The following TTC39C variants were observed in gnomAD, a reference collection of about 807,000 sequenced individuals.
The protein encoded by TTC39C is tetratricopeptide repeat domain 39C, also known as tetratricopeptide repeat protein 39C.
TTC39C carries 33 observed loss-of-function variants against 76.3 expected under a neutral mutation model. The observed-to-expected ratio is 0.43, with a 90% CI of 0.33 to 0.58. The LOEUF (loss-of-function observed/expected upper bound fraction) is 0.58, where lower values mean the gene tolerates loss of function less well. Ranked by LOEUF, TTC39C falls within the 20% of genes least tolerant of loss-of-function variation. The pLI is 0.04. For missense variants in TTC39C, 595 were observed against 701.4 expected, an observed-to-expected ratio of 0.85 and a Z score of 1.71; for synonymous variants, 254 against 260.6, an observed-to-expected ratio of 0.97 and a Z score of 0.24.
chr18:24,051,831 G>T (rs2083954007), intron 1 of TTC39C, among the ~76,000 whole-genome samples: 1 of 152,186 alleles, frequency 6.6e-6, no homozygotes, highest in African/African-American at 2.4e-5. Flanking sequence ...CAGTTCGTCA[G>T]ATGAAATGGG....
At chr18:24,079,769 C>T (rs184907712) in intron 4 of TTC39C, among the ~76,000 whole-genome samples, 30 of 149,778 alleles carry the variant, frequency 2.0e-4, no homozygotes, top group Admixed American at 6.7e-4. Context: ...TTTGGCAAGA[C>T]GCAATGCTTG....
intron 4 of TTC39C, chr18:24,076,972 T>C (rs951845349): frequency 1.3e-5 from 2 of 152,230 alleles, no homozygotes; most frequent in African/African-American, 4.8e-5. Flanking sequence ...TTGTTTCCAG[T>C]TCTACCATCC....
intron 1 of TTC39C, among the ~76,000 whole-genome samples, chr18:24,027,332 C>T (rs1240613755): frequency 1.3e-5 from 2 of 151,894 alleles, no homozygotes; most frequent in Admixed American, 1.3e-4. Flanking sequence ...CCTCTAGGAT[C>T]GCTTCCAGTA....
intron 6 of TTC39C, among the ~76,000 whole-genome samples, chr18:24,092,123 A>ATAAT (rs56108954): frequency 2.0e-4 from 10 of 50,506 alleles, no homozygotes; most frequent in African/African-American, 3.5e-4. Flanking sequence ...AAAAAAAAAA[A>ATAAT]AATAATAATA....
At chr18:24,123,563 C>G (rs949204589) in intron 8 of TTC39C, 2 of 266,222 alleles carry the variant, frequency 7.5e-6, no homozygotes, top group African/African-American at 2.3e-5. Flanking sequence ...TGTGCCACCA[C>G]GCCTGGCTTA....
At chr18:24,068,378 C>T (rs2084194303) in intron 3 of TTC39C, among the ~76,000 whole-genome samples, 1 of 152,176 alleles carries the variant, frequency 6.6e-6, no homozygotes, top group African/African-American at 2.4e-5. Context: ...ACACATCATT[C>T]TGGCTTGTCT....
At chr18:24,055,967 T>C (rs1016117020) in intron 1 of TTC39C, among the ~76,000 whole-genome samples, 1 of 152,216 alleles carries the variant, frequency 6.6e-6, no homozygotes. Flanking sequence ...CAAACCAGTT[T>C]GTCTCCTTAA....
At position 24,114,546 on chromosome 18, in the gene TTC39C, C is replaced by T. The variant is rs1489700052; in HGVS notation, c.985-8C>T. ...TAGCTGGTAATTCTGTTTTCCTTTT[C>T]TCCTTAGTGTCAAATCAACAGTGCC... On this transcript the variant is annotated splice_polypyrimidine_tract_variant and splice_region_variant and intron_variant, in intron 6 of 13. Transcript: ENST00000317571. 2.5e-6 allele frequency: 4 copies of T among 1,609,922 alleles called. No homozygotes were observed. Among genetic ancestry groups the T allele is most frequent in the Non-Finnish European group, 3.4e-6 (4 of 1,176,490 alleles).
chr18:24,070,152 G>A (rs893500453), intron 4 of TTC39C, among the ~76,000 whole-genome samples: 3 of 151,790 alleles, frequency 2.0e-5, no homozygotes, highest in Non-Finnish European at 4.4e-5. Flanking sequence ...TGTCTCGTAC[G>A]AACGATGCTT....
chr18:24,121,399 G>A (rs1004941178), intron 8 of TTC39C, among the ~76,000 whole-genome samples: 1 of 152,112 alleles, frequency 6.6e-6, no homozygotes, highest in African/African-American at 2.4e-5. Flanking sequence ...AACCAACATG[G>A]AGAAACTCCA....
At chr18:24,024,261 T>G (rs990327303) in intron 1 of TTC39C, among the ~76,000 whole-genome samples, 3 of 151,370 alleles carry the variant, frequency 2.0e-5, no homozygotes, top group African/African-American at 7.3e-5. Flanking sequence ...TCTGCCTGCC[T>G]CAGCCTCCCA....
chr18:24,026,684 G>A (rs561713778), intron 1 of TTC39C, among the ~76,000 whole-genome samples: 1 of 152,222 alleles, frequency 6.6e-6, no homozygotes, highest in South Asian at 2.1e-4. Flanking sequence ...GAGTCTGAGC[G>A]TGGTGTGCCT....
chr18:24,055,605 T>C (rs2084005147), intron 1 of TTC39C, among the ~76,000 whole-genome samples: 1 of 152,182 alleles, frequency 6.6e-6, no homozygotes, highest in Admixed American at 6.5e-5. Context: ...TGTTGCTGAG[T>C]TGTAGGAGCT....
chr18:24,132,432 C>G, intron 13 of TTC39C, 53 bp from the exon 14 acceptor site: 1 of 1,503,942 alleles, frequency 6.6e-7, no homozygotes, highest in East Asian at 2.3e-5. Flanking sequence ...ACCACAGTAC[C>G]CTGTGCAAGC....
chr18:24,091,307 T>C (rs1260058714), intron 6 of TTC39C, among the ~76,000 whole-genome samples: 2 of 152,096 alleles, frequency 1.3e-5, no homozygotes, highest in African/African-American at 4.8e-5. Flanking sequence ...CCAGGTGTGG[T>C]AGTGCACATC....
Position 24,014,869 on chromosome 18 carries a change from C to T in TTC39C, c.-3C>T, listed in dbSNP as rs1455101970. On this transcript the variant is annotated 5_prime_UTR_variant, in exon 1 of 14. Coordinates refer to ENST00000317571, the MANE Select transcript of TTC39C (RefSeq NM_001135993.2). ...TCGGCCCAGCGCAGGGCCTCGCACG[C>T]CCATGGCCGGCTCGGAGCAGCAGCG... 2.2e-6 allele frequency: 3 copies of T among 1,392,798 alleles called. No homozygotes were observed. The highest frequency in any genetic ancestry group is 6.2e-5 in the East Asian group (2 of 32,052). 86.3% of individuals were successfully genotyped at this position (1,392,798 alleles called of 1,614,324 possible).
rs1167104790 is a variant in TTC39C, at chr18:24,030,648, C to CTTTTTTTTTTTTTTTT, written c.167+15616_167+15631dup. 9.0e-5 allele frequency among the ~76,000 whole-genome samples: 8 copies of CTTTTTTTTTTTTTTTT among 89,042 alleles called. 1 individual carries two copies. Among genetic ancestry groups the CTTTTTTTTTTTTTTTT allele is most frequent in the Admixed American group, 1.8e-4 (1 of 5,540 alleles). 58.4% of individuals were successfully genotyped at this position (89,042 alleles called of 152,430 possible). ...TCTCTCAACAGCCCCAAAGATAGGC[C>CTTTTTTTTTTTTTTTT]TTTTTTTTTTTTTTTTTTTTTGAGA... is the stretch of plus-strand genomic sequence containing the variant. On this transcript the variant is annotated intron_variant, in intron 1 of 13. Coordinates refer to ENST00000317571, the MANE Select transcript of TTC39C (RefSeq NM_001135993.2).
At chr18:24,036,440 G>A (rs966358867) in intron 1 of TTC39C, among the ~76,000 whole-genome samples, 3 of 152,120 alleles carry the variant, frequency 2.0e-5, no homozygotes, top group Non-Finnish European at 2.9e-5. Context: ...CACCTCGCTG[G>A]TTAAGTTTAT....
At chr18:24,020,029 G>A (rs2083500545) in intron 1 of TTC39C, 1 of 1,404,110 alleles carries the variant, frequency 7.1e-7, no homozygotes, top group East Asian at 2.8e-5. Flanking sequence ...TTCTAGACAA[G>A]TCATCTGCTC....
Sources: gnomAD v4.1 joint callset for allele counts (sites outside exome capture counted in the v4.1 genomes callset) on GRCh38, gnomAD v4.1.1 for gene constraint, MANE v1.5 for transcripts, NCBI Gene and HGNC (gene_info 2026-07-23, HGNC 2026-07-21) for gene names.